Variants in CSMD3 observed in about 807,000 individuals in gnomAD.
CSMD3 encodes the protein CUB and sushi domain-containing protein 3.
A neutral mutation model predicts 435.2 loss-of-function variants in CSMD3; 177 were observed. The observed-to-expected ratio is 0.41, with a 90% CI of 0.36 to 0.46. The LOEUF (loss-of-function observed/expected upper bound fraction) is 0.46, where lower values mean the gene tolerates loss of function less well. Among genes scored for constraint, CSMD3 ranks in the 20% least tolerant of loss-of-function variants. CSMD3 has a pLI of 0.34. For missense variants in CSMD3, 4,265 were observed against 4,504.6 expected, an observed-to-expected ratio of 0.95 and a Z score of 1.52; for synonymous variants, 1,656 against 1,520.5, an observed-to-expected ratio of 1.09 and a Z score of -2.07.
intron 1 of CSMD3, among the ~76,000 whole-genome samples, chr8:113,420,490 A>G (rs916135844): frequency 2.0e-5 from 3 of 152,176 alleles, no homozygotes; most frequent in South Asian, 4.1e-4. Flanking sequence ...AGGAAACAAA[A>G]TAGAAGTAGT....
intron 1 of CSMD3, among the ~76,000 whole-genome samples, chr8:113,337,731 C>A (rs189402226): frequency 1.9e-3 from 285 of 151,936 alleles, no homozygotes; most frequent in South Asian, 9.8e-3. Flanking sequence ...TAGAGGGATA[C>A]AATCTTTGAG....
chr8:113,393,536 G>A (rs972476805), intron 1 of CSMD3, among the ~76,000 whole-genome samples: 1 of 152,030 alleles, frequency 6.6e-6, no homozygotes, highest in East Asian at 1.9e-4. Flanking sequence ...ATAAATTGAA[G>A]TGCAGTCTTC....
rs568703542 is a variant in CSMD3 at position 112,541,053 on chromosome 8, A to G, written c.4564+9618T>C. On this transcript the variant is annotated intron_variant, in intron 27 of 70. Coordinates refer to ENST00000297405, the MANE Select transcript of CSMD3 (RefSeq NM_198123.2). ...CTCCATAAATATGTACAACTATTAC[A>G]TACCAATAAAAAAGAGAAATAGAAA... 3.9e-5 allele frequency among the ~76,000 whole-genome samples: 6 copies of G among 152,088 alleles called. No individual in the cohort carries two copies. The East Asian group carries it at 1.2e-3, about 29-fold the overall frequency.
intron 23 of CSMD3, among the ~76,000 whole-genome samples, chr8:112,577,492 T>G (rs1830035872): frequency 6.6e-6 from 1 of 152,122 alleles, no homozygotes; most frequent in Admixed American, 6.6e-5. Context: ...AGTATGTTTT[T>G]GTTTATTTAA....
intron 6 of CSMD3, among the ~76,000 whole-genome samples, chr8:113,017,328 T>C (rs2086501497): frequency 6.6e-6 from 1 of 151,994 alleles, no homozygotes; most frequent in Non-Finnish European, 1.5e-5. Flanking sequence ...AATCGACTGG[T>C]AGCTTTGTGC....
At chr8:113,041,088 C>A (rs572204426) in intron 5 of CSMD3, among the ~76,000 whole-genome samples, 18 of 151,836 alleles carry the variant, frequency 1.2e-4, no homozygotes, top group Non-Finnish European at 1.9e-4. Context: ...CACCTGTAAT[C>A]CCAGGTACTT....
At chr8:112,876,232 C>G (rs1183266230) in intron 10 of CSMD3, among the ~76,000 whole-genome samples, 6 of 152,030 alleles carry the variant, frequency 3.9e-5, no homozygotes, top group Admixed American at 3.3e-4. Flanking sequence ...AGATTCATAG[C>G]CAAACTCTAT....
chr8:112,995,271 A>G (rs1376845606), intron 6 of CSMD3, among the ~76,000 whole-genome samples: 2 of 151,412 alleles, frequency 1.3e-5, no homozygotes, highest in Non-Finnish European at 3.0e-5. Flanking sequence ...AGATTGGAAA[A>G]CAAAGTTAGT....
At chr8:112,444,796 A>G (rs1263013707) in intron 32 of CSMD3, among the ~76,000 whole-genome samples, 1 of 152,226 alleles carries the variant, frequency 6.6e-6, no homozygotes, top group African/African-American at 2.4e-5. Context: ...AGTGATGGTT[A>G]TAAGAGTGTA....
intron 4 of CSMD3, among the ~76,000 whole-genome samples, chr8:113,099,771 A>C (rs143975302): frequency 6.6e-6 from 1 of 152,218 alleles, no homozygotes; most frequent in East Asian, 1.9e-4. Flanking sequence ...TTGGTATGCA[A>C]ACATAAGAAA....
At chr8:112,594,478 C>G (rs1461826530) in intron 22 of CSMD3, among the ~76,000 whole-genome samples, 4 of 152,220 alleles carry the variant, frequency 2.6e-5, no homozygotes, top group Non-Finnish European at 4.4e-5. Flanking sequence ...CTTAGGTAAA[C>G]AAAGCAGCCT....
At chr8:112,781,874 T>C (rs1171825490) in intron 13 of CSMD3, among the ~76,000 whole-genome samples, 1 of 152,176 alleles carries the variant, frequency 6.6e-6, no homozygotes, top group Non-Finnish European at 1.5e-5. Context: ...TTACTGGGCT[T>C]GGGGTGCCCC....
chr8:113,092,436 T>A (rs2090036882), intron 5 of CSMD3, among the ~76,000 whole-genome samples: 2 of 152,114 alleles, frequency 1.3e-5, no homozygotes. Context: ...CTTTTCTCCT[T>A]TTCTTTCCTA....
chr8:112,762,652 G>A (rs994120936), intron 13 of CSMD3, among the ~76,000 whole-genome samples: 1 of 151,886 alleles, frequency 6.6e-6, no homozygotes, highest in Non-Finnish European at 1.5e-5. Flanking sequence ...TTATCAAGTT[G>A]TTATTGTTTG....
At chr8:113,042,852 G>A (rs748606646) in intron 5 of CSMD3, among the ~76,000 whole-genome samples, 17 of 152,066 alleles carry the variant, frequency 1.1e-4, no homozygotes, top group Middle Eastern at 3.2e-3. Context: ...TTTTAACCTG[G>A]CCTCTAACTG....
At chr8:112,798,639 C>A (rs977770257) in intron 13 of CSMD3, among the ~76,000 whole-genome samples, 1 of 151,800 alleles carries the variant, frequency 6.6e-6, no homozygotes, top group Non-Finnish European at 1.5e-5. Context: ...GCTCTTGAAC[C>A]GCAGCAGAGG....
intron 4 of CSMD3, among the ~76,000 whole-genome samples, chr8:113,169,621 G>C (rs1189469581): frequency 1.3e-5 from 2 of 151,970 alleles, no homozygotes; most frequent in Non-Finnish European, 2.9e-5. Flanking sequence ...ATCTTAATAT[G>C]TTAACTCTTC....
chr8:113,436,806 A>G lies in CSMD3; in HGVS notation c.49T>C (p.Trp17Arg), dbSNP rs527408849. 13 of 1,614,134 alleles carry G rather than the reference A, an allele frequency of 8.1e-6. No individual in the cohort carries two copies. In the African/African-American group the frequency reaches 1.6e-4, roughly 20 times the overall value. The change falls in exon 1 of 71, where the codon TGG becomes CGG. Residue 17 changes from tryptophan (W) to arginine (R), a missense_variant. Trp to Arg is a moderately radical substitution (Grantham distance 101, BLOSUM62 -3). Around this residue, in one of 3 missense-constraint regions of CSMD3, gnomAD observed 731 missense variants for 755.4 expected, o/e 0.97. Transcript: ENST00000297405. ...GCGCATCTTCGCTTGCCAGGCTCCC[A>G]GGGTTTGGATTCCTTTGCTCGGCTT... ...GESRAKESKP[W>R]EPGKRRCAKC...
chr8:113,173,354 C>T (rs749336986), intron 4 of CSMD3, among the ~76,000 whole-genome samples: 1 of 151,952 alleles, frequency 6.6e-6, no homozygotes, highest in Non-Finnish European at 1.5e-5. Flanking sequence ...CAGAGTCTTG[C>T]TCTGTTGCCT....
Sources: allele counts gnomAD v4.1 joint callset (sites outside exome capture counted in the v4.1 genomes callset), GRCh38; gene constraint gnomAD v4.1.1; regional missense constraint gnomAD v4.1.1; transcripts MANE v1.5; gene names NCBI Gene and HGNC (gene_info 2026-07-23, HGNC 2026-07-21).